SENP7: variants seen among roughly 807,000 people sequenced by gnomAD.
SENP7 encodes the protein sentrin-specific protease 7.
In SENP7, 64 loss-of-function variants were observed where a neutral mutation model predicts 141.2. That is an observed-to-expected ratio of 0.45 (90% confidence interval 0.37 to 0.56). The LOEUF is 0.56. SENP7 is among the 20% of genes least tolerant of loss of function. The pLI, the probability that SENP7 is intolerant of heterozygous loss-of-function variation, is 0.00. For missense variants in SENP7, 1,025 were observed against 1,212.2 expected (o/e 0.85, Z 2.29); for synonymous variants, 382 against 426.4 (o/e 0.90, Z 1.28).
chr3:101,428,728 TG>T (rs2062049484), intron 4 of SENP7, among the ~76,000 whole-genome samples: 1 of 152,226 alleles, frequency 6.6e-6, no homozygotes, highest in African/African-American at 2.4e-5. Flanking sequence ...TGGCTTTTGT[TG>T]CCATTGCTTT....
At chr3:101,379,435 TCC>T (rs2060432374) in intron 6 of SENP7, among the ~76,000 whole-genome samples, 1 of 151,960 alleles carries the variant, frequency 6.6e-6, no homozygotes, top group African/African-American at 2.4e-5. Flanking sequence ...TATTTGCAAA[TCC>T]CATATCTATT....
Position 101,341,665 on chromosome 3 carries a change from G to A in SENP7, c.2221C>T (p.His741Tyr). The change falls in exon 15 of 24, where the codon CAC becomes TAC. Residue 741 changes from histidine (H) to tyrosine (Y), a missense_variant. By Grantham distance (83) the His-to-Tyr change is moderately conservative (BLOSUM62 2). Around this residue, in one of 4 missense-constraint regions of SENP7, gnomAD observed 295 missense variants for 459.1 expected, o/e 0.64. Transcript: ENST00000394095. ...NPDEEWREVR[H>Y]TGLVQKLIVY... ...ACATACTTCTGAACAAGTCCAGTGT[G>A]CCTGACTTCTCGCCATTCTTCATCT... is the stretch of plus-strand genomic sequence containing the variant. The A allele has an allele frequency of 1.2e-6, 2 of 1,608,322 alleles. No homozygotes were observed. Among genetic ancestry groups the A allele is most frequent in the Non-Finnish European group, 1.7e-6 (2 of 1,175,882 alleles).
In SENP7 at chr3:101,424,583, C is replaced by A. The variant is rs1576307954; in HGVS notation, c.285-6793G>T. 3.9e-5 allele frequency among the ~76,000 whole-genome samples: 6 copies of A among 152,086 alleles called. No homozygotes were observed. The South Asian group carries it at 1.2e-3, about 32-fold the overall frequency. ...AAGAACAGCACACCTTCCCCCCACA[C>A]TGAGCAACCACCCCTGCCTACAGCG... On this transcript the variant is annotated intron_variant, in intron 4 of 23. Transcript: ENST00000394095.
At chr3:101,407,040 A>G (rs2061327153) in intron 5 of SENP7, among the ~76,000 whole-genome samples, 1 of 152,196 alleles carries the variant, frequency 6.6e-6, no homozygotes, top group African/African-American at 2.4e-5. Flanking sequence ...CGCCATTACC[A>G]AGCACTAAAA....
chr3:101,392,605 C>T (rs1415426352), intron 6 of SENP7, among the ~76,000 whole-genome samples: 1 of 152,066 alleles, frequency 6.6e-6, no homozygotes, highest in African/African-American at 2.4e-5. Context: ...TTAAAATGAC[C>T]ATACTTCCCA....
intron 4 of SENP7, among the ~76,000 whole-genome samples, chr3:101,446,625 CTG>C (rs2062907558): frequency 6.6e-6 from 1 of 152,140 alleles, no homozygotes; most frequent in Non-Finnish European, 1.5e-5. Flanking sequence ...ACACCGGAAA[CTG>C]TACAAACCCC....
At chr3:101,387,068 C>A (rs933300619) in intron 6 of SENP7, among the ~76,000 whole-genome samples, 1 of 152,098 alleles carries the variant, frequency 6.6e-6, no homozygotes, top group Non-Finnish European at 1.5e-5. Flanking sequence ...TACATGCCTT[C>A]CCTGGCCACT....
chr3:101,438,331 A>G (rs903355643), intron 4 of SENP7, among the ~76,000 whole-genome samples: 6 of 152,248 alleles, frequency 3.9e-5, no homozygotes, highest in African/African-American at 1.4e-4. Context: ...TTAGCTAGTC[A>G]CAAAAAGACA....
Position 101,398,947 on chromosome 3 carries a change from T to A in SENP7, c.591A>T (p.Gln197His). The A allele has an allele frequency of 6.2e-7, 1 of 1,613,972 alleles. No homozygotes were observed. The highest frequency in any genetic ancestry group is 8.5e-7 in the Non-Finnish European group (1 of 1,179,876). ...CAGATGATGAAGAAAGTTGCTCTGA[T>A]TGCAAGTTGTCTGTATCACTCAAAC... ...EGSLSDTDNL[Q>H]SEQLSSSSDG... The change falls in exon 6 of 24, where the codon CAA becomes CAT. Residue 197 changes from glutamine (Q) to histidine (H), a missense_variant. This residue lies in a region of SENP7 where 496 missense variants were observed against 503.5 expected (regional missense o/e 0.99). Transcript: ENST00000394095.
intron 11 of SENP7, chr3:101,358,127 A>T: frequency 2.0e-6 from 1 of 509,726 alleles, no homozygotes. Context: ...ACTGTTCCTC[A>T]AACCCTACTA....
rs950787406 is a variant in SENP7 at position 101,325,662 on chromosome 3, C to T, written c.*281G>A. The T allele has an allele frequency of 1.1e-5, 2 of 177,406 alleles. No homozygotes were observed. Among genetic ancestry groups the T allele is most frequent in the Non-Finnish European group, 2.3e-5 (2 of 85,162 alleles). 11.0% of individuals were successfully genotyped at this position (177,406 alleles called of 1,614,324 possible). A position where few individuals can be genotyped will look rare whatever the true frequency, so the allele number is the denominator to read the frequency against. On this transcript the variant is annotated 3_prime_UTR_variant, in exon 24 of 24. Coordinates refer to ENST00000394095, the MANE Select transcript of SENP7 (RefSeq NM_020654.5). Reference sequence around the variant, plus strand: ...ACAAAACATTCCCATATTACATATGCTGTTGCATAATCCAATCATATTTAC... The same window carrying T: ...ACAAAACATTCCCATATTACATATGTTGTTGCATAATCCAATCATATTTAC...
In SENP7 at chr3:101,398,893, T is replaced by C; in HGVS notation, c.645A>G (p.Leu215=). Residue 215 remains leucine, a synonymous_variant, in exon 6 of 24, where the codon CTA becomes CTG. Coordinates refer to ENST00000394095, the MANE Select transcript of SENP7 (RefSeq NM_020654.5). ...SDGSLESYQN[L]NPHKSCYLSE... is the part of the protein sequence containing the mutation. ...ATAAATAACAGCTCTTGTGAGGGTT[T>C]AGATTTTGATAAGATTCTAGGCTGC... 5 of 1,609,850 alleles carry C rather than the reference T, an allele frequency of 3.1e-6. No individual in the cohort carries two copies. The highest frequency in any genetic ancestry group is 3.4e-6 in the Non-Finnish European group (4 of 1,177,604).
chr3:101,470,078 T>G (rs1024534171), intron 3 of SENP7, among the ~76,000 whole-genome samples: 1 of 152,006 alleles, frequency 6.6e-6, no homozygotes, highest in Non-Finnish European at 1.5e-5. Flanking sequence ...TTTAAAGCAG[T>G]GTGTAGAGGG....
chr3:101,404,642 T>C (rs1203516553), intron 5 of SENP7, among the ~76,000 whole-genome samples: 1 of 152,116 alleles, frequency 6.6e-6, no homozygotes. Context: ...AGACACCCTA[T>C]AGAATGGGAG....
chr3:101,343,413 C>T (rs1321020209), intron 14 of SENP7, among the ~76,000 whole-genome samples: 3 of 151,588 alleles, frequency 2.0e-5, no homozygotes. Flanking sequence ...TATAATTGTC[C>T]CTTATCCACC....
intron 6 of SENP7, among the ~76,000 whole-genome samples, chr3:101,391,690 AC>A (rs2060821207): frequency 1.3e-5 from 2 of 152,216 alleles, no homozygotes; most frequent in Admixed American, 1.3e-4. Flanking sequence ...TTCTTCTCAA[AC>A]CACTCCAAAC....
chr3:101,348,102 C>T lies in SENP7; in HGVS notation c.1658-51G>A, dbSNP rs181206482. Reference sequence around the variant, plus strand: ...TAAAAAATTAATCCATTTAAGAATACACCACTTAAACATTATATGACACTT... The same window carrying T: ...TAAAAAATTAATCCATTTAAGAATATACCACTTAAACATTATATGACACTT... On this transcript the variant is annotated intron_variant, in intron 12 of 23. Transcript: ENST00000394095. The T allele has an allele frequency of 4.3e-4, 552 of 1,268,994 alleles. 7 individuals carry two copies. Among genetic ancestry groups the T allele is most frequent in the Admixed American group, 4.5e-5 (2 of 44,546 alleles). The allele number at this position is 1,268,994 out of a possible 1,614,324, so 78.6% of individuals were successfully genotyped here. A position where few individuals can be genotyped will look rare whatever the true frequency, so the allele number is the denominator to read the frequency against.
At chr3:101,442,647 A>C (rs547734716) in intron 4 of SENP7, among the ~76,000 whole-genome samples, 1 of 152,354 alleles carries the variant, frequency 6.6e-6, no homozygotes. Flanking sequence ...ATACAAAAAA[A>C]AATCAGAAAA....
chr3:101,350,597 A>G (rs953674264), intron 12 of SENP7, among the ~76,000 whole-genome samples: 5 of 152,188 alleles, frequency 3.3e-5, no homozygotes, highest in African/African-American at 1.2e-4. Context: ...AAAGTTATAA[A>G]ATAAGAAAGC....
Sources: gnomAD v4.1 joint callset for allele counts (sites outside exome capture counted in the v4.1 genomes callset) on GRCh38, gnomAD v4.1.1 for gene constraint, gnomAD v4.1.1 regional missense constraint, MANE v1.5 for transcripts, NCBI Gene and HGNC (gene_info 2026-07-23, HGNC 2026-07-21) for gene names.